Variants in REXO4 observed in about 807,000 individuals in gnomAD.
The protein encoded by REXO4 is REX4 homolog, 3'-5' exonuclease.
REXO4 carries 29 observed loss-of-function variants against 39.9 expected under a neutral mutation model. That is an observed-to-expected ratio of 0.73 (90% CI 0.54 to 0.99). The LOEUF (loss-of-function observed/expected upper bound fraction) is 0.99. Ranked by LOEUF, REXO4 falls within the 50% of genes least tolerant of loss-of-function variation. The pLI, the probability that REXO4 is intolerant of heterozygous loss-of-function variation, is 0.00. For synonymous variants in REXO4, 184 were observed against 206.2 expected, an observed-to-expected ratio of 0.89 and a Z score of 0.92; for missense variants, 524 against 546.5, an observed-to-expected ratio of 0.96 and a Z score of 0.41.
chr9:133,411,006 G>A lies in REXO4; in HGVS notation c.978C>T (p.His326=), dbSNP rs782490309. ...EMLKGRILVG[H]ALHNDLKVLF... is the part of the protein sequence containing the mutation. ...GTACCTTTAGGTCATTATGCAGAGC[G>A]TGCCCCACTAGAATTCTGCCCTTCA... Residue 326 remains histidine, a synonymous_variant, in exon 5 of 8, where the codon CAC becomes CAT. Transcript: ENST00000371942. The A allele has an allele frequency of 5.6e-6, 9 of 1,613,878 alleles. No individual in the cohort carries two copies. The highest frequency in any genetic ancestry group is 2.2e-5 in the East Asian group (1 of 44,898).
rs1554780034 is a variant in REXO4 at position 133,411,088 on chromosome 9, CAAA to C, written c.911-18_911-16del. On this transcript the variant is annotated splice_polypyrimidine_tract_variant and intron_variant, in intron 4 of 7. Coordinates refer to ENST00000371942, the MANE Select transcript of REXO4 (RefSeq NM_020385.4). ...AAGCTCTTCTCCTGGAAAATCAACA[CAAA>C]GAAGCGGTTTTTTGCAACACACACA... The C allele has an allele frequency of 2.5e-6, 4 of 1,612,232 alleles. No homozygotes were observed. The highest frequency in any genetic ancestry group is 1.7e-5 in the Admixed American group (1 of 60,006).
Position 133,417,874 on chromosome 9 carries a change from G to C in REXO4, c.-30C>G, listed in dbSNP as rs1839767669. 3.8e-6 allele frequency: 6 copies of C among 1,590,608 alleles called. No homozygotes were observed. Among genetic ancestry groups the C allele is most frequent in the Non-Finnish European group, 5.1e-6 (6 of 1,175,486 alleles). ...CTGCCGTCCAGCGCCTGGGCCGGCG[G>C]CCACCCGAGACCCCGGCCTCCCCGG... On this transcript the variant is annotated 5_prime_UTR_variant, in exon 1 of 8. Coordinates refer to ENST00000371942, the MANE Select transcript of REXO4 (RefSeq NM_020385.4).
upstream of REXO4, chr9:133,418,057 A>C: frequency 1.8e-6 from 1 of 560,528 alleles, no homozygotes; most frequent in Non-Finnish European, 3.1e-6. Context: ...GTCTCTCCAC[A>C]ACCGGCTGGA....
At position 133,417,987 on chromosome 9, in the gene REXO4, A is replaced by G. The variant is rs191673555; in HGVS notation, c.-143T>C. 1.0e-3 allele frequency: 759 copies of G among 731,630 alleles called. 3 individuals carry two copies. In the African/African-American group the frequency reaches 0.012, roughly 12 times the overall value. 45.3% of individuals were successfully genotyped at this position (731,630 alleles called of 1,614,324 possible). On this transcript the variant is annotated 5_prime_UTR_variant, in exon 1 of 8. Transcript: ENST00000371942. ...ACCCCGTCCAGGAAAAGACTCCGGA[A>G]GAGACCCCGCACGCGTTGCGCATAC...
rs1554780599 is a variant in REXO4 at position 133,412,939 on chromosome 9, C to T, written c.573-18G>A. Reference sequence around the variant, plus strand: ...TGTCTTCCCTAAAAGGCAAAGATAACAGGCTGATCACCAGAAGACCCTAGT... The same window carrying T: ...TGTCTTCCCTAAAAGGCAAAGATAATAGGCTGATCACCAGAAGACCCTAGT... On this transcript the variant is annotated intron_variant, in intron 2 of 7. Coordinates refer to ENST00000371942, the MANE Select transcript of REXO4 (RefSeq NM_020385.4). 6 of 1,612,142 alleles carry T rather than the reference C, an allele frequency of 3.7e-6. No individual in the cohort carries two copies. Among genetic ancestry groups the T allele is most frequent in the Non-Finnish European group, 5.1e-6 (6 of 1,179,250 alleles).
At chr9:133,412,752 G>A in intron 3 of REXO4, 26 bp downstream of exon 3, 2 of 1,605,554 alleles carry the variant, frequency 1.2e-6, no homozygotes, top group South Asian at 2.2e-5. Flanking sequence ...ATCCCCAGCA[G>A]ACCCCACTCC....
intron 3 of REXO4, 92 bp downstream of exon 3, chr9:133,412,686 T>G (rs1839286276): frequency 6.5e-7 from 1 of 1,543,228 alleles, no homozygotes; most frequent in Non-Finnish European, 8.8e-7. Context: ...CTCATTCACC[T>G]CAGGGAGAGG....
At chr9:133,410,121 A>T (rs587700950) in intron 5 of REXO4, among the ~76,000 whole-genome samples, 1 of 152,328 alleles carries the variant, frequency 6.6e-6, no homozygotes, top group African/African-American at 2.4e-5. Context: ...GGAGCACCAT[A>T]GCAAAGGCTG....
chr9:133,412,684 C>T (rs999637761), intron 3 of REXO4, 94 bp downstream of exon 3: 18 of 1,541,532 alleles, frequency 1.2e-5, no homozygotes, highest in African/African-American at 1.1e-4. Context: ...GCCTCATTCA[C>T]CTCAGGGAGA....
Position 133,406,894 on chromosome 9 carries a change from C to G in REXO4, c.*59G>C. 1.9e-6 allele frequency: 3 copies of G among 1,601,694 alleles called. No homozygotes were observed. The highest frequency in any genetic ancestry group is 1.8e-4 in the Middle Eastern group (1 of 5,536). ...GCCACTCTGGGGAGATGTGATCTGT[C>G]CCTGTGACTGGTCACATTGCCTCTG... is the stretch of plus-strand genomic sequence containing the variant. On this transcript the variant is annotated 3_prime_UTR_variant, in exon 8 of 8. Transcript: ENST00000371942.
chr9:133,407,443 CCA>C (rs1838951511), intron 7 of REXO4, among the ~76,000 whole-genome samples: 1 of 152,142 alleles, frequency 6.6e-6, no homozygotes, highest in Admixed American at 6.6e-5. Context: ...AGCACTGAGG[CCA>C]CGTTGGCAGG....
rs1554778744 is a variant in REXO4 at position 133,406,231 on chromosome 9, A to C, written c.*722T>G. The C allele has an allele frequency of 6.6e-6, 1 of 152,274 alleles. No homozygotes were observed. The highest frequency in any genetic ancestry group is 1.9e-4 in the East Asian group (1 of 5,184). 9.4% of individuals were successfully genotyped at this position (152,274 alleles called of 1,614,324 possible). A position where few individuals can be genotyped will look rare whatever the true frequency, so the allele number is the denominator to read the frequency against. ...GGAGCCTCAAACTGGGGCCTAGCCC[A>C]GAAAGCCACCGGCTAGCATCACATA... On this transcript the variant is annotated 3_prime_UTR_variant, in exon 8 of 8. Transcript: ENST00000371942.
At chr9:133,418,058 A>C, upstream of REXO4, 6 of 554,494 alleles carry the variant, frequency 1.1e-5, no homozygotes, top group Admixed American at 3.4e-5. Context: ...TCTCTCCACA[A>C]CCGGCTGGAA....
chr9:133,410,324 C>T (rs1447005590), intron 5 of REXO4, among the ~76,000 whole-genome samples: 1 of 152,186 alleles, frequency 6.6e-6, no homozygotes, highest in Non-Finnish European at 1.5e-5. Context: ...CTCAAAGTGA[C>T]CCCCACCCTG....
At chr9:133,415,921 CG>C (rs1319949861) in intron 1 of REXO4, 2 of 152,126 alleles carry the variant, frequency 1.3e-5, no homozygotes, top group Non-Finnish European at 2.9e-5. Flanking sequence ...AAGAAGCGCT[CG>C]GGGAGGCTGA....
At position 133,414,837 on chromosome 9, in the gene REXO4, A is replaced by G. The variant is rs782166709; in HGVS notation, c.400T>C (p.Ser134Pro). The change falls in exon 2 of 8, where the codon TCA (serine) becomes CCA (proline). Residue 134 changes from serine (S) to proline (P), a missense_variant. Coordinates refer to ENST00000371942, the MANE Select transcript of REXO4 (RefSeq NM_020385.4). ...DQEASRGSVPSGSKMDRRAPV... is the reference protein window; with the variant it reads ...DQEASRGSVPPGSKMDRRAPV... ...GCCCTCCTGTCCATCTTGGAACCTG[A>G]AGGAACAGAGCCCCTGCTGGCCTCC... 17 of 1,614,134 alleles carry G rather than the reference A, an allele frequency of 1.1e-5. No individual in the cohort carries two copies. The South Asian group carries it at 1.9e-4, about 18-fold the overall frequency.
chr9:133,409,337 C>T (rs372845157), intron 5 of REXO4, among the ~76,000 whole-genome samples: 1 of 152,242 alleles, frequency 6.6e-6, no homozygotes, highest in South Asian at 2.1e-4. Flanking sequence ...ATATGAATTT[C>T]AACTCCAGAA....
intron 2 of REXO4, 54 bp downstream of exon 2, chr9:133,414,611 C>A (rs782593208): frequency 6.6e-7 from 1 of 1,511,166 alleles, no homozygotes; most frequent in Non-Finnish European, 9.2e-7. Context: ...AGGAGACAGG[C>A]CTTGGTGAAG....
At position 133,407,885 on chromosome 9, in the gene REXO4, C is replaced by T; in HGVS notation, c.1075-4G>A. ...GTCTCAGAGACGGCCTTCCACTCTGCAAAGGGGGAAGAGGCGGGTGGGGGC... is the reference window on the plus strand; with the variant it reads ...GTCTCAGAGACGGCCTTCCACTCTGTAAAGGGGGAAGAGGCGGGTGGGGGC... On this transcript the variant is annotated splice_polypyrimidine_tract_variant and splice_region_variant and intron_variant, in intron 6 of 7. Coordinates refer to ENST00000371942, the MANE Select transcript of REXO4 (RefSeq NM_020385.4). 3 of 1,612,900 alleles carry T rather than the reference C, an allele frequency of 1.9e-6. No homozygotes were observed. Among genetic ancestry groups the T allele is most frequent in the Non-Finnish European group, 2.5e-6 (3 of 1,179,322 alleles).
Sources: gnomAD v4.1 joint callset for allele counts (sites outside exome capture counted in the v4.1 genomes callset) on GRCh38, gnomAD v4.1.1 for gene constraint, MANE v1.5 for transcripts, NCBI Gene and HGNC (gene_info 2026-07-23, HGNC 2026-07-21) for gene names.